Variants in PTPRD observed in about 807,000 individuals in gnomAD.
The protein encoded by PTPRD is receptor-type tyrosine-protein phosphatase delta.
In PTPRD, 34 loss-of-function variants were observed where a neutral mutation model predicts 214.5. That is an observed-to-expected ratio of 0.16 (90% CI 0.12 to 0.21). The LOEUF is 0.21. PTPRD is among the 10% of genes least tolerant of loss of function. The pLI is 1.00. For synonymous variants in PTPRD, 1,128 were observed against 845.7 expected, an observed-to-expected ratio of 1.33 and a Z score of -5.79; for missense variants, 2,545 against 2,398.7, an observed-to-expected ratio of 1.06 and a Z score of -1.27.
intron 39 of PTPRD, among the ~76,000 whole-genome samples, chr9:8,352,232 C>T (rs577676035): frequency 8.4e-4 from 128 of 152,080 alleles, no homozygotes; most frequent in African/African-American, 2.9e-3. Flanking sequence ...CTAATGTGTT[C>T]GCGTAAAGAA....
intron 7 of PTPRD, among the ~76,000 whole-genome samples, chr9:9,710,259 G>T (rs1358094352): frequency 6.6e-6 from 1 of 151,946 alleles, no homozygotes; most frequent in East Asian, 1.9e-4. Flanking sequence ...AATAAGACTA[G>T]GTTATTTGGC....
At chr9:9,805,275 G>A (rs1421476558) in intron 5 of PTPRD, among the ~76,000 whole-genome samples, 2 of 152,044 alleles carry the variant, frequency 1.3e-5, no homozygotes, top group East Asian at 3.9e-4. Flanking sequence ...GCTTTGCCTA[G>A]TGCCCTTTGT....
intron 11 of PTPRD, among the ~76,000 whole-genome samples, chr9:8,904,795 A>T (rs1447113675): frequency 6.6e-6 from 1 of 152,160 alleles, no homozygotes; most frequent in Non-Finnish European, 1.5e-5. Flanking sequence ...ACTTGGGAAA[A>T]TCTTATATTT....
intron 5 of PTPRD, among the ~76,000 whole-genome samples, chr9:9,931,865 C>G (rs1008526375): frequency 6.6e-6 from 1 of 150,536 alleles, no homozygotes; most frequent in Non-Finnish European, 1.5e-5. Context: ...TCTCCCAGCA[C>G]GCAGCTGGAG....
At chr9:8,599,376 A>G (rs1035385554) in intron 14 of PTPRD, among the ~76,000 whole-genome samples, 43 of 152,230 alleles carry the variant, frequency 2.8e-4, no homozygotes, top group African/African-American at 1.0e-3. Flanking sequence ...AATGCACCCC[A>G]TCTCTTCTGA....
rs1404037880 is a variant in PTPRD at position 8,491,671 on chromosome 9, A to AT, written c.2467+1190_2467+1191insA. 3.3e-5 allele frequency among the ~76,000 whole-genome samples: 5 copies of AT among 151,676 alleles called. No individual in the cohort carries two copies. In the South Asian group the frequency reaches 6.3e-4, roughly 19 times the overall value. The stretch of plus-strand genomic sequence containing the variant: ...TACAATGGTATTTAAAAAAAAAAAA[A>AT]AAAAAAAGCCCAGAAGACTCAGCCT... On this transcript the variant is annotated intron_variant, in intron 27 of 45. Coordinates refer to ENST00000381196, the MANE Select transcript of PTPRD (RefSeq NM_002839.4).
chr9:8,827,479 C>T (rs530780568), intron 11 of PTPRD, among the ~76,000 whole-genome samples: 3 of 152,024 alleles, frequency 2.0e-5, no homozygotes, highest in East Asian at 3.9e-4. Flanking sequence ...TGGTGGCGCA[C>T]CCCTGTAATT....
rs115691222 is a variant in PTPRD at position 10,596,272 on chromosome 9, T to C, written c.-600+16126A>G. 7.9e-3 allele frequency among the ~76,000 whole-genome samples: 1,200 copies of C among 151,772 alleles called. 23 individuals carry two copies. The highest frequency in any genetic ancestry group is 0.028 in the African/African-American group (1,145 of 41,488). ...GTTCTTTAATAAGACAGAACTTACA[T>C]TGAACACACAAAAAGTAAAAGTTGT... On this transcript the variant is annotated intron_variant, in intron 2 of 45. Transcript: ENST00000381196.
chr9:9,982,921 A>G (rs1351320006), intron 4 of PTPRD, among the ~76,000 whole-genome samples: 2 of 152,128 alleles, frequency 1.3e-5, no homozygotes, highest in African/African-American at 4.8e-5. Flanking sequence ...TGATTTCTGT[A>G]TAGTTCTAAA....
intron 3 of PTPRD, among the ~76,000 whole-genome samples, chr9:10,205,022 C>A (rs1432331697): frequency 7.3e-6 from 1 of 137,292 alleles, no homozygotes; most frequent in Non-Finnish European, 1.5e-5. Flanking sequence ...CTATTTTTAA[C>A]AAGCTCTGCA....
rs990225153 is a variant in PTPRD at position 8,677,769 on chromosome 9, T to G, written c.65-40925A>C. Among the ~76,000 whole-genome samples, 17 of 152,186 alleles carry G rather than the reference T, an allele frequency of 1.1e-4. 1 individual carries two copies. Among genetic ancestry groups the G allele is most frequent in the Admixed American group, 9.2e-4 (14 of 15,286 alleles). ...AATAGCAAAATGTCTGATTTCCCCA[T>G]GACAATCTGTAGTACTCCCTAAATT... On this transcript the variant is annotated intron_variant, in intron 12 of 45. Coordinates refer to ENST00000381196, the MANE Select transcript of PTPRD (RefSeq NM_002839.4).
intron 5 of PTPRD, among the ~76,000 whole-genome samples, chr9:9,924,833 T>C (rs947477738): frequency 1.3e-5 from 2 of 152,110 alleles, no homozygotes; most frequent in Non-Finnish European, 2.9e-5. Context: ...CACATATCTC[T>C]ACTTTTTATG....
At position 8,649,164 on chromosome 9, in the gene PTPRD, G is replaced by A. The variant is rs115296050; in HGVS notation, c.65-12320C>T. ...ACTTCTTCTATACAATATTTCCAGT[G>A]TATCAACTACATGAATTTTTAAGAG... On this transcript the variant is annotated intron_variant, in intron 12 of 45. Transcript: ENST00000381196. Among the ~76,000 whole-genome samples the A allele has an allele frequency of 8.1e-3, 1,241 of 152,296 alleles. 20 individuals carry two copies. The highest frequency in any genetic ancestry group is 0.028 in the African/African-American group (1,150 of 41,546).
At chr9:8,821,723 T>G (rs890700971) in intron 11 of PTPRD, among the ~76,000 whole-genome samples, 1 of 152,220 alleles carries the variant, frequency 6.6e-6, no homozygotes. Flanking sequence ...TGGATTGCAG[T>G]GGCACAATCT....
intron 9 of PTPRD, among the ~76,000 whole-genome samples, chr9:9,298,020 A>G (rs941174384): frequency 6.6e-6 from 1 of 151,764 alleles, no homozygotes; most frequent in Admixed American, 6.6e-5. Flanking sequence ...GCTAGGGAAT[A>G]TGATTAAATA....
chr9:8,918,363 G>C (rs994173187), intron 11 of PTPRD, among the ~76,000 whole-genome samples: 2 of 152,180 alleles, frequency 1.3e-5, no homozygotes, highest in Admixed American at 1.3e-4. Flanking sequence ...TGAATTGTCA[G>C]AAAATTAGCC....
At chr9:10,260,823 C>G (rs1192702939) in intron 3 of PTPRD, among the ~76,000 whole-genome samples, 1 of 151,910 alleles carries the variant, frequency 6.6e-6, no homozygotes, top group Non-Finnish European at 1.5e-5. Context: ...TTACAAGTCC[C>G]TACTAATAGC....
At chr9:9,474,638 C>T (rs2094886446) in intron 8 of PTPRD, among the ~76,000 whole-genome samples, 1 of 151,772 alleles carries the variant, frequency 6.6e-6, no homozygotes, top group Admixed American at 6.6e-5. Flanking sequence ...CTGTGATTTT[C>T]ATTGTAGACA....
intron 3 of PTPRD, among the ~76,000 whole-genome samples, chr9:10,172,135 C>T (rs1050371083): frequency 7.9e-5 from 12 of 152,046 alleles, no homozygotes; most frequent in African/African-American, 1.9e-4. Context: ...AATCTAAAGA[C>T]GACCAACTGA....
Sources: gnomAD v4.1 joint callset for allele counts (sites outside exome capture counted in the v4.1 genomes callset) on GRCh38, gnomAD v4.1.1 for gene constraint, MANE v1.5 for transcripts, NCBI Gene and HGNC (gene_info 2026-07-23, HGNC 2026-07-21) for gene names.